The following ARK2C variants were observed in gnomAD, a reference collection of about 807,000 sequenced individuals.
ARK2C encodes arkadia (RNF111) C-terminal like ring finger ubiquitin ligase 2C, also known as E3 ubiquitin-protein ligase ARK2C.
At chr18:46,397,489 G>GGT in the ARK2C span, among the ~76,000 whole-genome samples, 726 of 101,914 alleles carry the variant, frequency 7.1e-3, 17 homozygotes, top group East Asian at 0.053. Context: ...GAGGTGTGAG[G>GGT]GTGTGTGTGT....
the ARK2C span, chr18:46,462,950 G>A: frequency 6.6e-6 from 1 of 152,204 alleles, no homozygotes; most frequent in Non-Finnish European, 1.5e-5. Context: ...CTGTTGTGCT[G>A]TGCAACATTT....
At chr18:46,337,280 GC>G in the ARK2C span, 6 of 985,282 alleles carry the variant, frequency 6.1e-6, no homozygotes, top group Non-Finnish European at 6.0e-6. Context: ...AACAGGGGTA[GC>G]GTGTTCTGCT....
the ARK2C span, among the ~76,000 whole-genome samples, chr18:46,427,212 A>G: frequency 2.0e-5 from 3 of 152,366 alleles, no homozygotes; most frequent in African/African-American, 4.8e-5. Flanking sequence ...CCTTGCAGGT[A>G]GAAATTGCCT....
the ARK2C span, chr18:46,450,509 C>T: frequency 1.1e-6 from 1 of 920,522 alleles, no homozygotes; most frequent in Non-Finnish European, 1.8e-6. Flanking sequence ...TGTCAGGAAG[C>T]TTCAGGGTTA....
chr18:46,389,288 T>C, the ARK2C span, among the ~76,000 whole-genome samples: 2 of 152,244 alleles, frequency 1.3e-5, no homozygotes, highest in Non-Finnish European at 2.9e-5. Context: ...TGGGTAAATT[T>C]CTGTTATAGA....
chr18:46,427,912 A>G, the ARK2C span, among the ~76,000 whole-genome samples: 1 of 152,112 alleles, frequency 6.6e-6, no homozygotes, highest in East Asian at 1.9e-4. Flanking sequence ...TTTCTGGAGG[A>G]GCTGAGAGGA....
At chr18:46,446,670 C>CAAAAAAAAAAAAAAAAAAAAAA in the ARK2C span, among the ~76,000 whole-genome samples, 2 of 34,384 alleles carry the variant, frequency 5.8e-5, no homozygotes, top group Admixed American at 3.5e-4. Context: ...GACTCCATCT[C>CAAAAAAAAAAAAAAAAAAAAAA]AAAAAAAAAA....
the ARK2C span, among the ~76,000 whole-genome samples, chr18:46,347,783 G>A: frequency 6.6e-6 from 1 of 152,134 alleles, no homozygotes; most frequent in East Asian, 1.9e-4. Flanking sequence ...GGGGGAAACT[G>A]AGCCTCAGTG....
chr18:46,365,885 G>T, the ARK2C span, among the ~76,000 whole-genome samples: 1 of 152,134 alleles, frequency 6.6e-6, no homozygotes, highest in Non-Finnish European at 1.5e-5. Flanking sequence ...AGGAATGACT[G>T]CAGGGGAGGT....
At chr18:46,375,094 G>T in the ARK2C span, among the ~76,000 whole-genome samples, 3 of 152,264 alleles carry the variant, frequency 2.0e-5, no homozygotes, top group South Asian at 6.2e-4. Flanking sequence ...CCTCACCCAG[G>T]CAGGCTTTAT....
At chr18:46,365,849 G>T in the ARK2C span, among the ~76,000 whole-genome samples, 3 of 152,276 alleles carry the variant, frequency 2.0e-5, no homozygotes, top group East Asian at 3.9e-4. Flanking sequence ...TTGCATGGGG[G>T]TGAGGGTGTG....
chr18:46,404,708 G>T, the ARK2C span, among the ~76,000 whole-genome samples: 2 of 151,868 alleles, frequency 1.3e-5, no homozygotes, highest in Non-Finnish European at 2.9e-5. Flanking sequence ...AGCCGAGACC[G>T]CGCCGCCACA....
the ARK2C span, among the ~76,000 whole-genome samples, chr18:46,411,837 C>G: frequency 1.3e-5 from 2 of 152,182 alleles, no homozygotes; most frequent in Non-Finnish European, 2.9e-5. Flanking sequence ...GGGGCTGAGC[C>G]GTGTATGTGT....
the ARK2C span, among the ~76,000 whole-genome samples, chr18:46,388,122 T>C: frequency 5.3e-5 from 8 of 152,202 alleles, no homozygotes; most frequent in East Asian, 5.8e-4. Context: ...GAAGGTTACA[T>C]GTTTATTTGG....
chr18:46,446,702 A>G, the ARK2C span, among the ~76,000 whole-genome samples: 1 of 145,010 alleles, frequency 6.9e-6, no homozygotes, highest in Admixed American at 6.9e-5. Context: ...AAAGGAAAAG[A>G]AAAAAAAAAA....
At chr18:46,444,590 G>A in the ARK2C span, among the ~76,000 whole-genome samples, 2 of 151,910 alleles carry the variant, frequency 1.3e-5, no homozygotes, top group Admixed American at 6.6e-5. Flanking sequence ...TCAGCCTCCT[G>A]AGTAGCTTGG....
At chr18:46,388,771 T>C in the ARK2C span, among the ~76,000 whole-genome samples, 1 of 152,128 alleles carries the variant, frequency 6.6e-6, no homozygotes, top group Non-Finnish European at 1.5e-5. Flanking sequence ...GCAATTTCCA[T>C]TTCCCGAGTG....
At chr18:46,407,518 T>C in the ARK2C span, among the ~76,000 whole-genome samples, 1 of 152,256 alleles carries the variant, frequency 6.6e-6, no homozygotes, top group African/African-American at 2.4e-5. Context: ...ACGTTCTTCC[T>C]TGTAGATTTT....
chr18:46,364,333 T>G, the ARK2C span, among the ~76,000 whole-genome samples: 1 of 151,722 alleles, frequency 6.6e-6, no homozygotes, highest in South Asian at 2.1e-4. Flanking sequence ...CCAACCAAAG[T>G]TTGCTTGGGT....
Sources: allele counts gnomAD v4.1 joint callset (sites outside exome capture counted in the v4.1 genomes callset), GRCh38; gene constraint gnomAD v4.1.1; transcripts MANE v1.5; gene names NCBI Gene and HGNC (gene_info 2026-07-23, HGNC 2026-07-21).